The following PIKFYVE variants were observed in gnomAD, a reference collection of about 807,000 sequenced individuals.
PIKFYVE encodes the protein 1-phosphatidylinositol 3-phosphate 5-kinase.
A neutral mutation model predicts 257.9 loss-of-function variants in PIKFYVE; 122 were observed. That is an observed-to-expected ratio of 0.47 (90% CI 0.41 to 0.55). The LOEUF (loss-of-function observed/expected upper bound fraction) is 0.55. PIKFYVE is among the 20% of genes least tolerant of loss of function. The probability of loss-of-function intolerance (pLI) is 0.00; values close to 1 mark genes in which losing one functional copy is unlikely to be tolerated. For synonymous variants in PIKFYVE, 892 were observed against 868.9 expected, an observed-to-expected ratio of 1.03 and a Z score of -0.47; for missense variants, 2,160 against 2,536.6, an observed-to-expected ratio of 0.85 and a Z score of 3.19.
intron 20 of PIKFYVE, 62 bp downstream of exon 20, chr2:208,326,491 G>A (rs1696936079): frequency 6.5e-7 from 1 of 1,547,880 alleles, no homozygotes; most frequent in Non-Finnish European, 8.9e-7. Context: ...ACTCCTCAAA[G>A]GCAGGCTAAA....
chr2:208,269,833 T>C (rs1689171781), intron 1 of PIKFYVE: 2 of 264,822 alleles, frequency 7.6e-6, no homozygotes, highest in South Asian at 6.3e-5. Flanking sequence ...CTCAGGGGCC[T>C]GGGGGATGGG....
At chr2:208,284,363 C>T (rs1216961920) in intron 5 of PIKFYVE, among the ~76,000 whole-genome samples, 4 of 151,314 alleles carry the variant, frequency 2.6e-5, no homozygotes, top group Non-Finnish European at 5.9e-5. Context: ...CAGGTTCAAG[C>T]GATTCTCCCA....
Position 208,325,634 on chromosome 2 carries a change from G to A in PIKFYVE, c.2823G>A (p.Gln941=), listed in dbSNP as rs891252389. The part of the protein sequence containing the change: ...ELRIVFEKGE[Q]ENKNLPQAVA... ...GGATTGTGTTTGAGAAGGGTGAGCA[G>A]GAAAATAAAAATCTTCCGCAGGCTG... The change falls in exon 20 of 42, where the codon CAG becomes CAA. Residue 941 remains glutamine (Q), a synonymous_variant. Transcript: ENST00000264380. 2.5e-6 allele frequency: 4 copies of A among 1,614,134 alleles called. No individual in the cohort carries two copies. Among genetic ancestry groups the A allele is most frequent in the African/African-American group, 1.3e-5 (1 of 75,050 alleles).
chr2:208,302,811 G>A (rs998293966), intron 10 of PIKFYVE, among the ~76,000 whole-genome samples: 10 of 152,164 alleles, frequency 6.6e-5, no homozygotes, highest in African/African-American at 2.2e-4. Context: ...TGGGTACGGT[G>A]GCTCACGCTT....
intron 34 of PIKFYVE, 99 bp downstream of exon 34, chr2:208,346,246 G>A (rs1699221119): frequency 2.1e-6 from 2 of 936,406 alleles, no homozygotes; most frequent in Non-Finnish European, 3.4e-6. Flanking sequence ...ATCTGGCAAT[G>A]ATTTACTACT....
intron 15 of PIKFYVE, among the ~76,000 whole-genome samples, chr2:208,316,491 C>G (rs1695534576): frequency 6.6e-6 from 1 of 151,818 alleles, no homozygotes; most frequent in Non-Finnish European, 1.5e-5. Context: ...ACAGTCCCAC[C>G]AACAGTGTAA....
intron 28 of PIKFYVE, among the ~76,000 whole-genome samples, chr2:208,337,633 T>A (rs1283916793): frequency 1.3e-5 from 2 of 152,108 alleles, no homozygotes; most frequent in Non-Finnish European, 2.9e-5. Flanking sequence ...AGATGCTTAA[T>A]TCCAGGAAGC....
At chr2:208,319,496 CAT>C (rs1208123732) in intron 16 of PIKFYVE, among the ~76,000 whole-genome samples, 1 of 152,150 alleles carries the variant, frequency 6.6e-6, no homozygotes, top group African/African-American at 2.4e-5. Flanking sequence ...GTGGTGGAAA[CAT>C]ATGCATGAAT....
chr2:208,269,176 T>A (rs914651172), intron 1 of PIKFYVE, among the ~76,000 whole-genome samples: 2 of 152,228 alleles, frequency 1.3e-5, no homozygotes, highest in Admixed American at 1.3e-4. Flanking sequence ...TGTAATGTCC[T>A]CTTTGTAAAG....
rs556821274 is a variant in PIKFYVE at position 208,275,584 on chromosome 2, C to A, written c.323-1128C>A. 2.6e-5 allele frequency among the ~76,000 whole-genome samples: 4 copies of A among 152,228 alleles called. No homozygotes were observed. The South Asian group carries it at 8.3e-4, about 32-fold the overall frequency. ...TAACTTTATAGAAAGATAAAAGTTG[C>A]CAAAGTTTTCTAAAATAGGTACAAT... On this transcript the variant is annotated intron_variant, in intron 3 of 41. Transcript: ENST00000264380.
chr2:208,302,416 C>A, intron 10 of PIKFYVE, 63 bp downstream of exon 10: 2 of 1,384,140 alleles, frequency 1.4e-6, no homozygotes, highest in Non-Finnish European at 2.0e-6. Flanking sequence ...CTTTCTTCAT[C>A]AGTGGGAATA....
intron 3 of PIKFYVE, among the ~76,000 whole-genome samples, chr2:208,275,388 TCA>T (rs962754202): frequency 2.6e-5 from 4 of 152,224 alleles, no homozygotes; most frequent in African/African-American, 9.6e-5. Flanking sequence ...GCCAGGGACT[TCA>T]CAAGTTTTTG....
chr2:208,325,471 C>T lies in PIKFYVE; in HGVS notation c.2660C>T (p.Pro887Leu). The change falls in exon 20 of 42, where the codon CCT becomes CTT. Residue 887 changes from proline to leucine, a missense_variant. Physicochemically the swap from Pro to Leu is moderately conservative, Grantham distance 98. This residue lies in a region of PIKFYVE where 522 missense variants were observed against 514.6 expected (regional missense o/e 1.01). Transcript: ENST00000264380. Reference sequence around the variant, plus strand: ...ATGCCTCCCACATTAATGCAAAACCCTTCATTCCATTCCCTGATTGAGGGA... The same window carrying T: ...ATGCCTCCCACATTAATGCAAAACCTTTCATTCCATTCCCTGATTGAGGGA... ...FAMPPTLMQN[P>L]SFHSLIEGRG... The T allele has an allele frequency of 6.2e-7, 1 of 1,614,200 alleles. No homozygotes were observed. Among genetic ancestry groups the T allele is most frequent in the South Asian group, 1.1e-5 (1 of 91,090 alleles).
At chr2:208,341,574 A>G (rs1165388703) in intron 31 of PIKFYVE, among the ~76,000 whole-genome samples, 1 of 152,140 alleles carries the variant, frequency 6.6e-6, no homozygotes, top group Non-Finnish European at 1.5e-5. Context: ...CCTGGAGGCT[A>G]GAAGTCTGAG....
chr2:208,314,335 C>G lies in PIKFYVE; in HGVS notation c.1738C>G (p.Leu580Val). The G allele has an allele frequency of 1.2e-6, 2 of 1,613,784 alleles. No individual in the cohort carries two copies. Among genetic ancestry groups the G allele is most frequent in the African/African-American group, 1.3e-5 (1 of 75,044 alleles). Reference sequence around the variant, plus strand: ...CCGAGTAGAGGAAAAATCCAAAGAGCTGCCTTTCACACCTTTGGGCTGGCA... The same window carrying G: ...CCGAGTAGAGGAAAAATCCAAAGAGGTGCCTTTCACACCTTTGGGCTGGCA... ...NRRVEEKSKE[L>V]PFTPLGWHHN... The change falls in exon 14 of 42, where the codon CTG becomes GTG. Residue 580 changes from leucine to valine, a missense_variant. Leu to Val is a conservative substitution (Grantham distance 32). This residue lies in a region of PIKFYVE where 346 missense variants were observed against 365.6 expected (regional missense o/e 0.95). Coordinates refer to ENST00000264380, the MANE Select transcript of PIKFYVE (RefSeq NM_015040.4).
rs1233579521 is a variant in PIKFYVE, at chr2:208,272,077, A to T, written c.172+386A>T. On this transcript the variant is annotated intron_variant, in intron 2 of 41. Transcript: ENST00000264380. Reference sequence around the variant, plus strand: ...GTGAAATCCCGTCTCTACTAAAAATACAAAAAAATTAGCCGGGCATGGTGG... The same window carrying T: ...GTGAAATCCCGTCTCTACTAAAAATTCAAAAAAATTAGCCGGGCATGGTGG... Among the ~76,000 whole-genome samples the T allele has an allele frequency of 2.6e-5, 4 of 152,214 alleles. No homozygotes were observed. The Middle Eastern group carries it at 0.01, about 388-fold the overall frequency.
intron 2 of PIKFYVE, 97 bp from the exon 3 acceptor site, chr2:208,273,487 A>G: frequency 7.1e-7 from 1 of 1,417,108 alleles, no homozygotes; most frequent in Non-Finnish European, 1.0e-6. Context: ...TACGCATATA[A>G]TACATGCATA....
At chr2:208,304,784 A>C in intron 11 of PIKFYVE, 62 bp from the exon 12 acceptor site, 1 of 1,539,526 alleles carries the variant, frequency 6.5e-7, no homozygotes, top group Non-Finnish European at 9.0e-7. Context: ...CAATACCCTG[A>C]TAAAACCCAT....
At chr2:208,351,544 A>T (rs1574767319) in intron 38 of PIKFYVE, 89 bp downstream of exon 38, 2 of 1,065,186 alleles carry the variant, frequency 1.9e-6, no homozygotes, top group Non-Finnish European at 2.9e-6. Flanking sequence ...TTGTGTTGCT[A>T]TAAAGAAATA....
Sources: allele counts gnomAD v4.1 joint callset (sites outside exome capture counted in the v4.1 genomes callset), GRCh38; gene constraint gnomAD v4.1.1; regional missense constraint gnomAD v4.1.1; transcripts MANE v1.5; gene names NCBI Gene and HGNC (gene_info 2026-07-23, HGNC 2026-07-21).